Variants in SLC26A7 observed in about 807,000 individuals in gnomAD.
SLC26A7 encodes anion exchange transporter.
Under a neutral mutation model 82.5 loss-of-function variants are expected in SLC26A7, and 59 were observed. The observed-to-expected ratio is 0.72, with a 90% confidence interval of 0.58 to 0.89. SLC26A7 has a LOEUF of 0.89. Among genes scored for constraint, SLC26A7 ranks in the 40% least tolerant of loss-of-function variants. The pLI, the probability that SLC26A7 is intolerant of heterozygous loss-of-function variation, is 0.00. For missense variants in SLC26A7, 820 were observed against 793.0 expected, an observed-to-expected ratio of 1.03 and a Z score of -0.41; for synonymous variants, 271 against 274.3, an observed-to-expected ratio of 0.99 and a Z score of 0.12.
intron 1 of SLC26A7, among the ~76,000 whole-genome samples, chr8:91,212,199 T>C (rs1420192908): frequency 6.6e-6 from 1 of 151,918 alleles, no homozygotes; most frequent in Non-Finnish European, 1.5e-5. Context: ...TAGTTACTAC[T>C]AACTTTGTCT....
chr8:91,296,895 C>T (rs915254162), intron 4 of SLC26A7, among the ~76,000 whole-genome samples: 4 of 152,158 alleles, frequency 2.6e-5, no homozygotes, highest in African/African-American at 9.7e-5. Flanking sequence ...GGCTTTTCCT[C>T]CTTGCCTGGC....
intron 2 of SLC26A7, among the ~76,000 whole-genome samples, chr8:91,267,605 A>G (rs1022444883): frequency 6.6e-6 from 1 of 151,746 alleles, no homozygotes; most frequent in Non-Finnish European, 1.5e-5. Flanking sequence ...CAATTGTAAT[A>G]TCTCCTTTTT....
At chr8:91,284,337 G>A (rs1811654627) in intron 2 of SLC26A7, among the ~76,000 whole-genome samples, 1 of 152,030 alleles carries the variant, frequency 6.6e-6, no homozygotes, top group Admixed American at 6.6e-5. Flanking sequence ...GAGCCTTTAG[G>A]GTTTTACATG....
intron 2 of SLC26A7, among the ~76,000 whole-genome samples, chr8:91,288,771 T>C (rs1185454418): frequency 6.6e-6 from 1 of 152,214 alleles, no homozygotes; most frequent in African/African-American, 2.4e-5. Flanking sequence ...TTACAGATGC[T>C]ATTGTGCACA....
At chr8:91,271,324 C>T (rs1217830976) in intron 2 of SLC26A7, among the ~76,000 whole-genome samples, 2 of 152,104 alleles carry the variant, frequency 1.3e-5, no homozygotes, top group African/African-American at 2.4e-5. Flanking sequence ...ACCATGAAAG[C>T]AGGGATTGTA....
At chr8:91,364,941 G>T (rs1332421296) in intron 13 of SLC26A7, among the ~76,000 whole-genome samples, 2 of 152,094 alleles carry the variant, frequency 1.3e-5, no homozygotes, top group East Asian at 1.9e-4. Context: ...AAATAAGAGG[G>T]AGAAAACTAA....
chr8:91,321,176 T>G (rs1277421271), intron 5 of SLC26A7, among the ~76,000 whole-genome samples: 2 of 152,232 alleles, frequency 1.3e-5, no homozygotes, highest in African/African-American at 2.4e-5. Flanking sequence ...TATGAACAGC[T>G]AATATTTCCA....
chr8:91,254,804 T>C (rs1810756801), intron 2 of SLC26A7, among the ~76,000 whole-genome samples: 1 of 152,166 alleles, frequency 6.6e-6, no homozygotes, highest in Admixed American at 6.6e-5. Context: ...ATTTGGCAGT[T>C]CTCATTAGTA....
rs139056221 is a variant in SLC26A7 at position 91,295,641 on chromosome 8, G to A, written c.415G>A (p.Asp139Asn). ...TAACACAAGCGTGCTGGGCTTATCC[G>A]ACTTTGAAATGCAAAGGATCCACGT... Reference protein sequence around the residue: ...QSNTSVLGLSDFEMQRIHVAA... With the variant: ...QSNTSVLGLSNFEMQRIHVAA... The change falls in exon 4 of 19, where the codon GAC (aspartate) becomes AAC (asparagine). Residue 139 changes from aspartate to asparagine, a missense_variant. Asp to Asn is a conservative substitution (Grantham distance 23). Transcript: ENST00000276609. 4.3e-6 allele frequency: 7 copies of A among 1,613,922 alleles called. No homozygotes were observed. The African/African-American group carries it at 8.0e-5, about 18-fold the overall frequency.
intron 15 of SLC26A7, among the ~76,000 whole-genome samples, chr8:91,373,394 T>C (rs150485050): frequency 3.3e-4 from 50 of 152,072 alleles, no homozygotes; most frequent in African/African-American, 1.1e-3. Flanking sequence ...TGATGTATGT[T>C]CCTTTAATAC....
chr8:91,313,697 G>A lies in SLC26A7; in HGVS notation c.478-4519G>A, dbSNP rs146530444. Among the ~76,000 whole-genome samples, 90 of 152,118 alleles carry A rather than the reference G, an allele frequency of 5.9e-4. 1 individual carries two copies. The highest frequency in any genetic ancestry group is 2.0e-3 in the African/African-American group (82 of 41,488). ...ATCATCATTTCACATCTCTTTACACGATCATTTAGGGTGTGAACTGTATCT... is the reference window on the plus strand; with the variant it reads ...ATCATCATTTCACATCTCTTTACACAATCATTTAGGGTGTGAACTGTATCT... On this transcript the variant is annotated intron_variant, in intron 4 of 18. Coordinates refer to ENST00000276609, the MANE Select transcript of SLC26A7 (RefSeq NM_052832.4).
intron 9 of SLC26A7, among the ~76,000 whole-genome samples, chr8:91,350,048 C>T (rs543079550): frequency 6.6e-6 from 1 of 152,192 alleles, no homozygotes; most frequent in Admixed American, 6.5e-5. Flanking sequence ...TTTTTATGGG[C>T]AATCATTAGT....
intron 16 of SLC26A7, 54 bp downstream of exon 16, chr8:91,389,492 G>A (rs752832360): frequency 1.1e-4 from 145 of 1,267,904 alleles, no homozygotes; most frequent in Non-Finnish European, 1.6e-4. Flanking sequence ...TCAGTAACAG[G>A]GGTTTTCACC....
intron 2 of SLC26A7, among the ~76,000 whole-genome samples, chr8:91,283,550 T>G (rs1265819400): frequency 1.3e-5 from 2 of 152,222 alleles, no homozygotes; most frequent in Non-Finnish European, 2.9e-5. Context: ...GGTCTTCTTG[T>G]TGGTATTTTC....
chr8:91,263,583 C>T (rs1811027843), intron 2 of SLC26A7, among the ~76,000 whole-genome samples: 1 of 152,012 alleles, frequency 6.6e-6, no homozygotes, highest in Non-Finnish European at 1.5e-5. Flanking sequence ...TTTGTGCTTG[C>T]CCTGTGTTGG....
intron 2 of SLC26A7, among the ~76,000 whole-genome samples, chr8:91,282,371 C>T (rs1811597443): frequency 6.6e-6 from 1 of 152,162 alleles, no homozygotes; most frequent in East Asian, 1.9e-4. Flanking sequence ...CAACCCCTCC[C>T]AGGCAACAGC....
chr8:91,221,596 C>A (rs1043237183), intron 2 of SLC26A7, among the ~76,000 whole-genome samples: 6 of 152,122 alleles, frequency 3.9e-5, no homozygotes, highest in Non-Finnish European at 8.8e-5. Context: ...ATATGGCTAG[C>A]CAGTTCTCCC....
intron 2 of SLC26A7, among the ~76,000 whole-genome samples, chr8:91,278,245 C>T (rs1563656350): frequency 1.3e-5 from 2 of 151,996 alleles, no homozygotes; most frequent in Admixed American, 1.3e-4. Context: ...AAAAAAGGAC[C>T]TGTCAGATTG....
At chr8:91,341,922 T>G (rs1813426116) in intron 8 of SLC26A7, among the ~76,000 whole-genome samples, 1 of 152,058 alleles carries the variant, frequency 6.6e-6, no homozygotes, top group African/African-American at 2.4e-5. Context: ...ATTTATTTGT[T>G]TATTTATTTT....
Sources: gnomAD v4.1 joint callset for allele counts (sites outside exome capture counted in the v4.1 genomes callset) on GRCh38, gnomAD v4.1.1 for gene constraint, MANE v1.5 for transcripts, NCBI Gene and HGNC (gene_info 2026-07-23, HGNC 2026-07-21) for gene names.